Variants in TRPV2 observed in about 807,000 individuals in gnomAD.
The protein encoded by TRPV2 is transient receptor potential cation channel subfamily V member 2.
A neutral mutation model predicts 91.0 loss-of-function variants in TRPV2; 58 were observed. The ratio of observed to expected loss-of-function variants is 0.64; its 90% CI spans 0.52 to 0.79. The LOEUF is 0.79. Among genes scored for constraint, TRPV2 ranks in the 30% least tolerant of loss-of-function variants. The pLI, the probability that TRPV2 is intolerant of heterozygous loss-of-function variation, is 0.00. For missense variants in TRPV2, 807 were observed against 969.6 expected (o/e 0.83, Z 2.23); for synonymous variants, 417 against 414.8 (o/e 1.01, Z -0.06).
chr17:16,431,287 ACATATTTTT>A (rs1187148247), intron 10 of TRPV2, among the ~76,000 whole-genome samples: 389 of 25,426 alleles, frequency 0.015, 2 homozygotes, highest in East Asian at 0.037. Context: ...ATATATATAT[ACATATTTTT>A]TTTTTTTTTT....
At chr17:16,436,349 A>C (rs1013750385) in intron 14 of TRPV2, among the ~76,000 whole-genome samples, 6 of 151,940 alleles carry the variant, frequency 3.9e-5, no homozygotes, top group African/African-American at 1.5e-4. Context: ...CTCACTCCCC[A>C]CACCTCCATC....
Position 16,423,561 on chromosome 17 carries a change from G to A in TRPV2, c.718G>A (p.Ala240Thr). Residue 240 changes from alanine (A) to threonine (T), a missense_variant, in exon 5 of 15, where the codon GCC (alanine) becomes ACC (threonine). By Grantham distance (58) the Ala-to-Thr change is moderately conservative. Coordinates refer to ENST00000338560, the MANE Select transcript of TRPV2 (RefSeq NM_016113.5). ...CCCACACCAGCCCGCCAGCCTGCAG[G>A]CCACTGACTCCCAGGGCAACACAGT... is the stretch of plus-strand genomic sequence containing the variant. ...ENPHQPASLQ[A>T]TDSQGNTVLH... 3 of 1,614,168 alleles carry A rather than the reference G, an allele frequency of 1.9e-6. No homozygotes were observed. The highest frequency in any genetic ancestry group is 1.7e-5 in the Admixed American group (1 of 60,024).
chr17:16,420,355 GC>G (rs1345076777), intron 3 of TRPV2, 107 bp downstream of exon 3: 3 of 1,360,964 alleles, frequency 2.2e-6, no homozygotes, highest in Non-Finnish European at 3.0e-6. Flanking sequence ...AGTGTTCTCA[GC>G]AGCCCTCCCA....
chr17:16,436,413 C>T (rs1249497430), intron 14 of TRPV2, among the ~76,000 whole-genome samples: 2 of 152,172 alleles, frequency 1.3e-5, no homozygotes, highest in East Asian at 1.9e-4. Context: ...TCTCTGGATT[C>T]GTCTCTGTCG....
At position 16,426,011 on chromosome 17, in the gene TRPV2, C is replaced by T; in HGVS notation, c.925-88C>T. On this transcript the variant is annotated intron_variant, in intron 5 of 14. Transcript: ENST00000338560. This position sits in a 1 kb window ranked among gnomAD's most constrained non-coding sequence, Gnocchi z 6.0. Reference sequence around the variant, plus strand: ...CTGCAGCTCTGCAGACCGTGGGCAGCTGCTGAGTCCTGGGTGTTTCCCAGC... The same window carrying T: ...CTGCAGCTCTGCAGACCGTGGGCAGTTGCTGAGTCCTGGGTGTTTCCCAGC... 1 of 1,480,362 alleles carries T rather than the reference C, an allele frequency of 6.8e-7. No homozygotes were observed. Among genetic ancestry groups the T allele is most frequent in the South Asian group, 1.2e-5 (1 of 82,198 alleles). 91.7% of individuals were successfully genotyped at this position (1,480,362 alleles called of 1,614,324 possible).
At chr17:16,431,277 A>ATT (rs2093409307) in intron 10 of TRPV2, among the ~76,000 whole-genome samples, 1 of 75,748 alleles carries the variant, frequency 1.3e-5, no homozygotes, top group African/African-American at 5.9e-5. Flanking sequence ...ATATATATAT[A>ATT]TATATATATA....
intron 10 of TRPV2, 27 bp downstream of exon 10, chr17:16,429,009 A>T (rs1320638279): frequency 6.2e-7 from 1 of 1,612,546 alleles, no homozygotes; most frequent in East Asian, 2.2e-5. Context: ...GCCCACCGGG[A>T]CTCTTTTGGC....
chr17:16,425,208 G>C (rs9914350), intron 5 of TRPV2, among the ~76,000 whole-genome samples: 1 of 151,964 alleles, frequency 6.6e-6, no homozygotes, highest in Non-Finnish European at 1.5e-5. Flanking sequence ...ATTTTTAGTA[G>C]AGACGGGGTT....
chr17:16,423,578 C>T lies in TRPV2; in HGVS notation c.735C>T (p.Gly245=). 6.2e-7 allele frequency: 1 copy of T among 1,614,222 alleles called. No individual in the cohort carries two copies. The highest frequency in any genetic ancestry group is 8.5e-7 in the Non-Finnish European group (1 of 1,180,048). Residue 245 remains glycine (G), a synonymous_variant, in exon 5 of 15, where the codon GGC becomes GGT. Transcript: ENST00000338560. ...PASLQATDSQ[G]NTVLHALVMI... Reference sequence around the variant, plus strand: ...GCCTGCAGGCCACTGACTCCCAGGGCAACACAGTCCTGCATGCCCTAGTGA... The same window carrying T: ...GCCTGCAGGCCACTGACTCCCAGGGTAACACAGTCCTGCATGCCCTAGTGA...
Position 16,422,846 on chromosome 17 carries a change from C to T in TRPV2, c.582C>T (p.Cys194=), listed in dbSNP as rs771199457. ...ENGANVHARA[C]GRFFQKGQGT... is the part of the protein sequence containing the mutation. ...GGGCCAATGTGCATGCCCGGGCCTGCGGCCGCTTCTTCCAGAAGGGCCAAG... is the reference window on the plus strand; with the variant it reads ...GGGCCAATGTGCATGCCCGGGCCTGTGGCCGCTTCTTCCAGAAGGGCCAAG... Residue 194 remains cysteine (C), a synonymous_variant, in exon 4 of 15, where the codon TGC becomes TGT. Coordinates refer to ENST00000338560, the MANE Select transcript of TRPV2 (RefSeq NM_016113.5). The T allele has an allele frequency of 2.7e-5, 42 of 1,571,776 alleles. No individual in the cohort carries two copies. The East Asian group carries it at 5.4e-4, about 20-fold the overall frequency.
In TRPV2 at chr17:16,422,618, G is replaced by A. The variant is rs144637052; in HGVS notation, c.354G>A (p.Thr118=). The A allele has an allele frequency of 1.9e-5, 31 of 1,613,898 alleles. No individual in the cohort carries two copies. Among genetic ancestry groups the A allele is most frequent in the South Asian group, 7.7e-5 (7 of 91,080 alleles). Residue 118 remains threonine (T), a synonymous_variant, in exon 4 of 15, where the codon ACG becomes ACA. Transcript: ENST00000338560. Reference sequence around the variant, plus strand: ...CCACAGAGGGCTCCACAGGTAAGACGTGCCTGATGAAGGCTGTGCTGAACC... The same window carrying A: ...CCACAGAGGGCTCCACAGGTAAGACATGCCTGATGAAGGCTGTGCTGAACC... ...SEYTEGSTGK[T]CLMKAVLNLK... is the part of the protein sequence containing the mutation.
At position 16,432,010 on chromosome 17, in the gene TRPV2, A is replaced by G. The variant is rs752077907; in HGVS notation, c.1699A>G (p.Thr567Ala). 6.2e-7 allele frequency: 1 copy of G among 1,608,656 alleles called. No homozygotes were observed. The highest frequency in any genetic ancestry group is 2.2e-5 in the East Asian group (1 of 44,738). Residue 567 changes from threonine (T) to alanine (A), a missense_variant, in exon 12 of 15, where the codon ACA becomes GCA. By Grantham distance (58) the Thr-to-Ala change is moderately conservative (BLOSUM62 0). Coordinates refer to ENST00000338560, the MANE Select transcript of TRPV2 (RefSeq NM_016113.5). ...SQEAWRPEAP[T>A]GPNATESVQP... ...GGAGGCTTGGCGCCCCGAAGCTCCT[A>G]CAGGCCCCAATGCCACAGAGTCAGT...
Position 16,432,108 on chromosome 17 carries a change from G to A in TRPV2, c.1797G>A (p.Glu599=). 6.2e-7 allele frequency: 1 copy of A among 1,614,234 alleles called. No homozygotes were observed. Among genetic ancestry groups the A allele is most frequent in the Non-Finnish European group, 8.5e-7 (1 of 1,180,042 alleles). The change falls in exon 12 of 15, where the codon GAG becomes GAA. Residue 599 remains glutamate (E), a synonymous_variant. Coordinates refer to ENST00000338560, the MANE Select transcript of TRPV2 (RefSeq NM_016113.5). ...QYRGILEASL[E]LFKFTIGMGE... Reference sequence around the variant, plus strand: ...GGGGTATCCTGGAAGCCTCCTTGGAGCTCTTCAAATTCACCATCGGCATGG... The same window carrying A: ...GGGGTATCCTGGAAGCCTCCTTGGAACTCTTCAAATTCACCATCGGCATGG...
Position 16,426,914 on chromosome 17 carries a change from G to A in TRPV2, c.1251+37G>A. ...AGGTTTGGGGGGGCACATCTTGGGG[G>A]AGGCCTGCTTGAAACAACCCTGGGG... On this transcript the variant is annotated intron_variant, in intron 7 of 14. Coordinates refer to ENST00000338560, the MANE Select transcript of TRPV2 (RefSeq NM_016113.5). The surrounding 1 kb of genome is among the most constrained non-coding windows in gnomAD (Gnocchi z 6.0). 1 of 1,593,878 alleles carries A rather than the reference G, an allele frequency of 6.3e-7. No homozygotes were observed. The highest frequency in any genetic ancestry group is 8.5e-7 in the Non-Finnish European group (1 of 1,170,236).
At chr17:16,416,744 A>T (rs2093332486) in intron 1 of TRPV2, 1 of 152,284 alleles carries the variant, frequency 6.6e-6, no homozygotes, top group Admixed American at 6.5e-5. Context: ...CGGCTCTGCC[A>T]ACAACTGGCG....
At chr17:16,433,777 G>A in intron 13 of TRPV2, 79 bp downstream of exon 13, 1 of 1,558,608 alleles carries the variant, frequency 6.4e-7, no homozygotes, top group Non-Finnish European at 8.7e-7. Context: ...GCAGGGCACA[G>A]CTGCCAGGAG....
Position 16,423,712 on chromosome 17 carries a change from G to A in TRPV2, c.869G>A (p.Arg290His), listed in dbSNP as rs546383689. The change falls in exon 5 of 15, where the codon CGC (arginine) becomes CAC (histidine). Residue 290 changes from arginine (R) to histidine (H), a missense_variant. Arg to His is a conservative substitution (Grantham distance 29). Transcript: ENST00000338560. The part of the protein sequence containing the change: ...LCPTVQLEDI[R>H]NLQDLTPLKL... ...CCTACCGTGCAGCTTGAGGACATCCGCAACCTGCAGGATCTCACGCCTCTG... is the reference window on the plus strand; with the variant it reads ...CCTACCGTGCAGCTTGAGGACATCCACAACCTGCAGGATCTCACGCCTCTG... 35 of 1,610,484 alleles carry A rather than the reference G, an allele frequency of 2.2e-5. No homozygotes were observed. The East Asian group carries it at 2.7e-4, about 12-fold the overall frequency.
In TRPV2 at chr17:16,426,746, G is replaced by A. The variant is rs2093385033; in HGVS notation, c.1120G>A (p.Glu374Lys). 3 of 1,613,920 alleles carry A rather than the reference G, an allele frequency of 1.9e-6. No homozygotes were observed. The highest frequency in any genetic ancestry group is 2.2e-5 in the East Asian group (1 of 44,876). Reference protein sequence around the residue: ...SPHRHRMVVLEPLNKLLQAKW... With the variant: ...SPHRHRMVVLKPLNKLLQAKW... ...GCACCGACACCGAATGGTCGTTTTG[G>A]AGCCCCTGAACAAACTGCTGCAGGC... The change falls in exon 7 of 15, where the codon GAG (glutamate) becomes AAG (lysine). Residue 374 changes from glutamate (E) to lysine (K), a missense_variant. By Grantham distance (56) the Glu-to-Lys change is moderately conservative. Coordinates refer to ENST00000338560, the MANE Select transcript of TRPV2 (RefSeq NM_016113.5). The surrounding 1 kb of genome is among the most constrained non-coding windows in gnomAD (Gnocchi z 6.0).
intron 2 of TRPV2, 108 bp downstream of exon 2, chr17:16,417,976 G>A (rs78600758): frequency 9.0e-7 from 1 of 1,113,798 alleles, no homozygotes; most frequent in Non-Finnish European, 1.3e-6. Context: ...CCTTCCCACA[G>A]CCTGTGGAGT....
Sources: allele counts gnomAD v4.1 joint callset (sites outside exome capture counted in the v4.1 genomes callset), GRCh38; gene constraint gnomAD v4.1.1; non-coding constraint Gnocchi (gnomAD v3.1); transcripts MANE v1.5; gene names NCBI Gene and HGNC (gene_info 2026-07-23, HGNC 2026-07-21).